CMTM4: variants seen among roughly 807,000 people sequenced by gnomAD.
CMTM4 encodes the protein CKLF like MARVEL transmembrane domain containing 4.
In CMTM4, 8 loss-of-function variants were observed where a neutral mutation model predicts 19.0. That is an observed-to-expected ratio of 0.42 (90% confidence interval 0.25 to 0.76). CMTM4 has a LOEUF of 0.76. Among genes scored for constraint, CMTM4 ranks in the 30% least tolerant of loss-of-function variants. The probability of loss-of-function intolerance (pLI) is 0.27; values close to 1 mark genes in which losing one functional copy is unlikely to be tolerated. For missense variants in CMTM4, 228 were observed against 290.2 expected, an observed-to-expected ratio of 0.79 and a Z score of 1.56; for synonymous variants, 106 against 121.1, an observed-to-expected ratio of 0.88 and a Z score of 0.82.
intron 1 of CMTM4, among the ~76,000 whole-genome samples, chr16:66,663,747 T>C (rs1180648063): frequency 6.6e-6 from 1 of 151,906 alleles, no homozygotes. Context: ...TTCACCATGT[T>C]GACCAGGATG....
At chr16:66,672,484 A>G (rs928697739) in intron 1 of CMTM4, among the ~76,000 whole-genome samples, 26 of 150,036 alleles carry the variant, frequency 1.7e-4, no homozygotes, top group African/African-American at 5.8e-4. Context: ...TATATATATA[A>G]TATGTATATA....
At chr16:66,660,629 A>G (rs577356850) in intron 1 of CMTM4, among the ~76,000 whole-genome samples, 2 of 152,334 alleles carry the variant, frequency 1.3e-5, no homozygotes, top group South Asian at 2.1e-4. Context: ...ATACTAGGAC[A>G]TGTGTTTTTT....
At chr16:66,631,111 C>G (rs1458457812) in intron 2 of CMTM4, among the ~76,000 whole-genome samples, 1 of 150,182 alleles carries the variant, frequency 6.7e-6, no homozygotes, top group East Asian at 2.0e-4. Context: ...GCAGCCACCC[C>G]ATCTGGGAAG....
At chr16:66,667,529 T>C (rs2077646167) in intron 1 of CMTM4, among the ~76,000 whole-genome samples, 1 of 152,088 alleles carries the variant, frequency 6.6e-6, no homozygotes, top group African/African-American at 2.4e-5. Context: ...TACACACAGT[T>C]CAAAATGCAT....
At position 66,619,232 on chromosome 16, in the gene CMTM4, A is replaced by C. The variant is rs2015583056; in HGVS notation, c.*2826T>G. The C allele has an allele frequency of 1.0e-6, 1 of 985,342 alleles. No individual in the cohort carries two copies. Among genetic ancestry groups the C allele is most frequent in the South Asian group, 4.7e-5 (1 of 21,290 alleles). The allele number at this position is 985,342 out of a possible 1,614,324, so 61.0% of individuals were successfully genotyped here. ...ATATCAAAGAGAATCAGAGGGAAAAAATACCAAATCCACCCAATCAGTGCC... is the reference window on the plus strand; with the variant it reads ...ATATCAAAGAGAATCAGAGGGAAAACATACCAAATCCACCCAATCAGTGCC... On this transcript the variant is annotated 3_prime_UTR_variant, in exon 4 of 4. Coordinates refer to ENST00000394106, the MANE Select transcript of CMTM4 (RefSeq NM_181521.3).
chr16:66,600,127 T>G, the CMTM4 span, among the ~76,000 whole-genome samples: 507 of 145,226 alleles, frequency 3.5e-3, 5 homozygotes, highest in African/African-American at 0.013. Context: ...TGTGTGTGTG[T>G]GTGTGTGTGT....
intron 1 of CMTM4, among the ~76,000 whole-genome samples, chr16:66,676,589 G>C (rs1398012436): frequency 6.6e-6 from 1 of 152,188 alleles, no homozygotes; most frequent in Non-Finnish European, 1.5e-5. Context: ...CGATCCCTTA[G>C]AGTCTAAAAC....
At chr16:66,683,149 A>G (rs868108766) in intron 1 of CMTM4, among the ~76,000 whole-genome samples, 185 of 127,232 alleles carry the variant, frequency 1.5e-3, no homozygotes, top group Middle Eastern at 0.012. Flanking sequence ...ATATATATGT[A>G]TATATATATA....
Position 66,696,260 on chromosome 16 carries a change from C to T in CMTM4, c.186+80G>A. ...CCGGCCTGGGCAAGCGGGTACGCGG[C>T]GGAGGCCCCGCAGCGGGGCGGGGAG... On this transcript the variant is annotated intron_variant, in intron 1 of 3. Coordinates refer to ENST00000394106, the MANE Select transcript of CMTM4 (RefSeq NM_181521.3). The surrounding 1 kb of genome is among the most constrained non-coding windows in gnomAD (Gnocchi z 4.3). The T allele has an allele frequency of 9.5e-7, 1 of 1,055,046 alleles. No individual in the cohort carries two copies. Among genetic ancestry groups the T allele is most frequent in the Non-Finnish European group, 1.2e-6 (1 of 821,542 alleles). 65.4% of individuals were successfully genotyped at this position (1,055,046 alleles called of 1,614,324 possible).
chr16:66,690,298 C>G (rs984446327), intron 1 of CMTM4, among the ~76,000 whole-genome samples: 1 of 152,140 alleles, frequency 6.6e-6, no homozygotes, highest in East Asian at 1.9e-4. Context: ...CACGGTTTGA[C>G]CAGGGTCATT....
At chr16:66,623,617 A>G (rs533295481) in intron 2 of CMTM4, 115 bp from the exon 3 acceptor site, 21 of 629,254 alleles carry the variant, frequency 3.3e-5, no homozygotes, top group Non-Finnish European at 5.4e-5. Flanking sequence ...TGGTGGCTCC[A>G]TATTTCAGTC....
At chr16:66,600,022 T>C in the CMTM4 span, among the ~76,000 whole-genome samples, 1 of 152,172 alleles carries the variant, frequency 6.6e-6, no homozygotes, top group Non-Finnish European at 1.5e-5. Flanking sequence ...TATATGTCTT[T>C]TAGTGAATTG....
intron 1 of CMTM4, among the ~76,000 whole-genome samples, chr16:66,679,374 T>C (rs1285182707): frequency 6.6e-6 from 1 of 151,984 alleles, no homozygotes; most frequent in East Asian, 1.9e-4. Context: ...TTATCAATAA[T>C]CCAAGGAGAA....
At chr16:66,693,486 G>T (rs1325274135) in intron 1 of CMTM4, among the ~76,000 whole-genome samples, 1 of 152,102 alleles carries the variant, frequency 6.6e-6, no homozygotes, top group Admixed American at 6.6e-5. Context: ...TCTTCATAAT[G>T]ACTTCTTATT....
At chr16:66,627,269 T>C (rs1371497614) in intron 2 of CMTM4, among the ~76,000 whole-genome samples, 1 of 152,208 alleles carries the variant, frequency 6.6e-6, no homozygotes. Context: ...TAAGGTACAA[T>C]AATTTAAATG....
At chr16:66,610,077 T>G (rs1368462312), downstream of CMTM4, 11 of 1,580,418 alleles carry the variant, frequency 7.0e-6, no homozygotes, top group Middle Eastern at 1.7e-4. The surrounding 1 kb of genome is among the most constrained non-coding windows in gnomAD (Gnocchi z 4.6). Context: ...CCAGCTAGTT[T>G]GAGGCTGGGG....
rs1596938381 is a variant in CMTM4, at chr16:66,657,100, T to C, written c.187-20519A>G. Among the ~76,000 whole-genome samples, 8 of 151,876 alleles carry C rather than the reference T, an allele frequency of 5.3e-5. No homozygotes were observed. In the South Asian group the frequency reaches 1.2e-3, roughly 24 times the overall value. On this transcript the variant is annotated intron_variant, in intron 1 of 3. Coordinates refer to ENST00000394106, the MANE Select transcript of CMTM4 (RefSeq NM_181521.3). ...TAATTTCCTGATTTTTTTTTTTTTT[T>C]TTCAGATGGAGTCTCGCTCTGTCAC... is the stretch of plus-strand genomic sequence containing the variant.
the CMTM4 span, chr16:66,609,516 T>C: frequency 1.2e-6 from 2 of 1,603,398 alleles, no homozygotes; most frequent in Non-Finnish European, 1.7e-6. The surrounding 1 kb of genome is among the most constrained non-coding windows in gnomAD (Gnocchi z 4.4). Context: ...GGATGGGGCT[T>C]CCAAAGCCGC....
chr16:66,640,122 G>A (rs1185743548), intron 1 of CMTM4, among the ~76,000 whole-genome samples: 3 of 151,792 alleles, frequency 2.0e-5, no homozygotes, highest in African/African-American at 7.3e-5. Flanking sequence ...TCAGGAGTTC[G>A]AGATCAGCCT....
Sources: allele counts gnomAD v4.1 joint callset (sites outside exome capture counted in the v4.1 genomes callset), GRCh38; gene constraint gnomAD v4.1.1; non-coding constraint Gnocchi (gnomAD v3.1); transcripts MANE v1.5; gene names NCBI Gene and HGNC (gene_info 2026-07-23, HGNC 2026-07-21).